UNC13C: variants seen among roughly 807,000 people sequenced by gnomAD.
UNC13C encodes the protein protein unc-13 homolog C.
Under a neutral mutation model 245.4 loss-of-function variants are expected in UNC13C, and 174 were observed. That is an observed-to-expected ratio of 0.71 (90% CI 0.63 to 0.80). UNC13C has a LOEUF of 0.80. UNC13C is among the 30% of genes least tolerant of loss of function. The pLI, the probability that UNC13C is intolerant of heterozygous loss-of-function variation, is 0.00. For missense variants in UNC13C, 2,829 were observed against 2,602.9 expected, an observed-to-expected ratio of 1.09 and a Z score of -1.89; for synonymous variants, 992 against 895.1, an observed-to-expected ratio of 1.11 and a Z score of -1.93.
intron 7 of UNC13C, among the ~76,000 whole-genome samples, chr15:54,241,286 G>A (rs1393141709): frequency 1.3e-5 from 2 of 152,146 alleles, no homozygotes; most frequent in East Asian, 1.9e-4. Flanking sequence ...TTCAGACTTC[G>A]TGAAAGGGAC....
chr15:54,297,753 G>A (rs1193925023), intron 11 of UNC13C, 58 bp from the exon 12 acceptor site: 7 of 1,262,530 alleles, frequency 5.5e-6, no homozygotes, highest in East Asian at 4.9e-5. Context: ...TTGAGAGGTC[G>A]TATGAGAAAA....
At chr15:54,209,474 A>G (rs1192311866) in intron 4 of UNC13C, among the ~76,000 whole-genome samples, 3 of 151,776 alleles carry the variant, frequency 2.0e-5, no homozygotes, top group Admixed American at 1.3e-4. Context: ...GTACAGCTGC[A>G]CAATCACGGC....
chr15:54,299,148 GAGA>G (rs1161764631), intron 12 of UNC13C, among the ~76,000 whole-genome samples: 1 of 152,142 alleles, frequency 6.6e-6, no homozygotes, highest in African/African-American at 2.4e-5. Flanking sequence ...AGTGTGGGCA[GAGA>G]AGATCTGCAG....
intron 2 of UNC13C, among the ~76,000 whole-genome samples, chr15:54,098,227 T>C (rs1022888275): frequency 1.3e-5 from 2 of 152,174 alleles, no homozygotes; most frequent in South Asian, 2.1e-4. Flanking sequence ...CAGGCTGGAA[T>C]GCTCTGTGGT....
chr15:54,359,046 AT>A (rs544655781), intron 17 of UNC13C, among the ~76,000 whole-genome samples: 5 of 151,046 alleles, frequency 3.3e-5, no homozygotes, highest in East Asian at 3.9e-4. Flanking sequence ...ATTTTATAGA[AT>A]TTTTTTTCTG....
At position 54,015,281 on chromosome 15, in the gene UNC13C, G is replaced by A; in HGVS notation, c.2378G>A (p.Ser793Asn). Residue 793 changes from serine to asparagine, a missense_variant, in exon 2 of 33, where the codon AGC (serine) becomes AAC (asparagine). Coordinates refer to ENST00000260323, the MANE Select transcript of UNC13C (RefSeq NM_001080534.3). Reference protein sequence around the residue: ...LSIDLSDKTFSFPKFGSTLQR... With the variant: ...LSIDLSDKTFNFPKFGSTLQR... ...ATTGACCTTTCTGATAAGACTTTCA[G>A]CTTCCCAAAATTTGGATCTACACTG... is the stretch of plus-strand genomic sequence containing the variant. 6.9e-7 allele frequency: 1 copy of A among 1,451,030 alleles called. No individual in the cohort carries two copies. The highest frequency in any genetic ancestry group is 9.2e-7 in the Non-Finnish European group (1 of 1,091,610). 89.9% of individuals were successfully genotyped at this position (1,451,030 alleles called of 1,614,324 possible).
At chr15:54,278,386 TA>T (rs1309104206) in intron 10 of UNC13C, among the ~76,000 whole-genome samples, 1 of 152,126 alleles carries the variant, frequency 6.6e-6, no homozygotes, top group African/African-American at 2.4e-5. Context: ...TAGACAAAAT[TA>T]ATCCCCTATC....
chr15:54,203,550 A>G (rs1423270346), intron 4 of UNC13C, among the ~76,000 whole-genome samples: 1 of 147,196 alleles, frequency 6.8e-6, no homozygotes, highest in Non-Finnish European at 1.5e-5. Flanking sequence ...ACACCTATAT[A>G]TATTTTATGA....
Position 54,014,724 on chromosome 15 carries a change from T to A in UNC13C, c.1821T>A (p.Asn607Lys). Residue 607 changes from asparagine (N) to lysine (K), a missense_variant, in exon 2 of 33, where the codon AAT becomes AAA. Asn to Lys is a moderately conservative substitution (Grantham distance 94). Transcript: ENST00000260323. ...ACAGTCCCAAGGACCAGCATTTGAATGGAGGTGTTCAGGGTATCCAAGGGC... is the reference window on the plus strand; with the variant it reads ...ACAGTCCCAAGGACCAGCATTTGAAAGGAGGTGTTCAGGGTATCCAAGGGC... ...LYDSPKDQHL[N>K]GGVQGIQGQT... The A allele has an allele frequency of 6.2e-7, 1 of 1,613,872 alleles. No individual in the cohort carries two copies.
intron 30 of UNC13C, among the ~76,000 whole-genome samples, chr15:54,586,573 C>T (rs1173040094): frequency 6.6e-6 from 1 of 152,224 alleles, no homozygotes; most frequent in Non-Finnish European, 1.5e-5. Context: ...AAGGCCCTTT[C>T]TTCCAATAAA....
In UNC13C at chr15:54,013,962, T is replaced by C; in HGVS notation, c.1059T>C (p.Asn353=). The C allele has an allele frequency of 6.2e-7, 1 of 1,613,706 alleles. No individual in the cohort carries two copies. Among genetic ancestry groups the C allele is most frequent in the Non-Finnish European group, 8.5e-7 (1 of 1,179,820 alleles). The change falls in exon 2 of 33, where the codon AAT becomes AAC. Residue 353 remains asparagine (N), a synonymous_variant. Coordinates refer to ENST00000260323, the MANE Select transcript of UNC13C (RefSeq NM_001080534.3). ...IDKMGFSDAP[N]AIKIEFAQRI... is the part of the protein sequence containing the mutation. ...AAATGGGTTTTTCAGATGCACCAAA[T>C]GCTATTAAAATTGAATTTGCTCAGA... is the stretch of plus-strand genomic sequence containing the variant.
intron 19 of UNC13C, among the ~76,000 whole-genome samples, chr15:54,416,440 C>T (rs1380757875): frequency 6.6e-6 from 1 of 152,092 alleles, no homozygotes; most frequent in African/African-American, 2.4e-5. Context: ...TTTATCTAAT[C>T]TTTAAAATCA....
downstream of UNC13C, chr15:54,629,140 A>C (rs922123342): frequency 6.6e-6 from 1 of 152,164 alleles, no homozygotes. Flanking sequence ...TCACAGTGAC[A>C]TGGATGGAGC....
chr15:54,417,596 T>A (rs2040548610), intron 19 of UNC13C, among the ~76,000 whole-genome samples: 1 of 152,188 alleles, frequency 6.6e-6, no homozygotes, highest in Non-Finnish European at 1.5e-5. Context: ...TTAACTATGA[T>A]TCAGCATACT....
chr15:54,200,025 A>G (rs995292495), intron 4 of UNC13C, among the ~76,000 whole-genome samples: 8 of 152,130 alleles, frequency 5.3e-5, no homozygotes, highest in African/African-American at 1.7e-4. Flanking sequence ...AGTGACTAGG[A>G]GTAGCTATTC....
chr15:54,296,315 C>T (rs914548205), intron 11 of UNC13C, among the ~76,000 whole-genome samples: 3 of 152,120 alleles, frequency 2.0e-5, no homozygotes, highest in Non-Finnish European at 2.9e-5. Flanking sequence ...ATTCTGCTGC[C>T]TCAGCCTCCC....
chr15:54,261,996 C>A (rs954409595), intron 8 of UNC13C, among the ~76,000 whole-genome samples: 1 of 152,092 alleles, frequency 6.6e-6, no homozygotes. Flanking sequence ...TCTATAATAA[C>A]AGCAATAATA....
chr15:54,289,953 G>A (rs140617067), intron 10 of UNC13C, among the ~76,000 whole-genome samples: 2 of 152,148 alleles, frequency 1.3e-5, no homozygotes, highest in African/African-American at 2.4e-5. Flanking sequence ...TTCAGAAGAT[G>A]AGCAATACAA....
At chr15:54,003,608 A>G (rs942866777) in intron 1 of UNC13C, among the ~76,000 whole-genome samples, 4 of 152,214 alleles carry the variant, frequency 2.6e-5, no homozygotes, top group African/African-American at 7.2e-5. Flanking sequence ...CAGACATGCA[A>G]TGTGTAATAA....
Sources: gnomAD v4.1 joint callset for allele counts (sites outside exome capture counted in the v4.1 genomes callset) on GRCh38, gnomAD v4.1.1 for gene constraint, MANE v1.5 for transcripts, NCBI Gene and HGNC (gene_info 2026-07-23, HGNC 2026-07-21) for gene names.